CTNNA1: variants seen among roughly 807,000 people sequenced by gnomAD.
CTNNA1 encodes catenin alpha 1, also known as catenin alpha-1.
In CTNNA1, 37 loss-of-function variants were observed where a neutral mutation model predicts 98.4. The ratio of observed to expected loss-of-function variants is 0.38; its 90% CI spans 0.29 to 0.49. The LOEUF is 0.49. Ranked by LOEUF, CTNNA1 falls within the 20% of genes least tolerant of loss-of-function variation. CTNNA1 has a pLI of 0.95. For synonymous variants in CTNNA1, 404 were observed against 413.2 expected, an observed-to-expected ratio of 0.98 and a Z score of 0.27; for missense variants, 761 against 1,147.2, an observed-to-expected ratio of 0.66 and a Z score of 4.86.
intron 7 of CTNNA1, among the ~76,000 whole-genome samples, chr5:138,863,848 T>C (rs1230588790): frequency 1.3e-5 from 2 of 152,234 alleles, no homozygotes; most frequent in African/African-American, 4.8e-5. Context: ...TACTGCTGAT[T>C]GATTGGGCTG....
intron 1 of CTNNA1, among the ~76,000 whole-genome samples, chr5:138,780,641 C>T (rs7731804): frequency 0.023 from 3,473 of 152,110 alleles, 136 homozygotes; most frequent in African/African-American, 0.08. Flanking sequence ...CCTCAGCCTC[C>T]CGAGTAGCTG....
At chr5:138,802,794 C>T (rs1286394321) in intron 3 of CTNNA1, among the ~76,000 whole-genome samples, 3 of 151,922 alleles carry the variant, frequency 2.0e-5, no homozygotes, top group African/African-American at 4.8e-5. Flanking sequence ...TACTGGTTAC[C>T]CCTACACAAG....
At chr5:138,795,929 T>C (rs1486308204) in intron 3 of CTNNA1, among the ~76,000 whole-genome samples, 2 of 152,216 alleles carry the variant, frequency 1.3e-5, no homozygotes, top group Non-Finnish European at 2.9e-5. Flanking sequence ...TTGTCCTAAA[T>C]GCTTTCCAGT....
chr5:138,812,459 TTAA>T (rs1758931646), intron 5 of CTNNA1, among the ~76,000 whole-genome samples, 157 bp downstream of exon 5: 1 of 152,244 alleles, frequency 6.6e-6, no homozygotes, highest in Admixed American at 6.5e-5. Context: ...TATTGTGCTG[TTAA>T]TAAAGTTGTA....
chr5:138,826,854 G>T (rs1760772826), intron 6 of CTNNA1, among the ~76,000 whole-genome samples: 1 of 152,216 alleles, frequency 6.6e-6, no homozygotes, highest in African/African-American at 2.4e-5. Flanking sequence ...CTGGAGTGCA[G>T]TGGCACAATC....
At chr5:138,930,344 C>T (rs942333791) in intron 14 of CTNNA1, 129 bp from the exon 15 acceptor site, 11 of 676,308 alleles carry the variant, frequency 1.6e-5, no homozygotes, top group South Asian at 8.9e-5. Context: ...GCCCTTCAGG[C>T]GAAATGAAAC....
At chr5:138,897,046 G>A (rs1756968550) in intron 9 of CTNNA1, among the ~76,000 whole-genome samples, 1 of 151,534 alleles carries the variant, frequency 6.6e-6, no homozygotes, top group African/African-American at 2.4e-5. Flanking sequence ...ATGAAATCCT[G>A]CCTATAAAAA....
intron 7 of CTNNA1, among the ~76,000 whole-genome samples, chr5:138,867,568 A>G (rs1176141149): frequency 2.0e-5 from 3 of 152,042 alleles, no homozygotes; most frequent in African/African-American, 2.4e-5. Flanking sequence ...CCCACCTGTG[A>G]TACTTATATG....
At chr5:138,794,727 G>T (rs552967325) in intron 3 of CTNNA1, among the ~76,000 whole-genome samples, 1 of 152,322 alleles carries the variant, frequency 6.6e-6, no homozygotes, top group Admixed American at 6.5e-5. Flanking sequence ...GGCTGGGTGG[G>T]AGTGGTGGGA....
rs1581108310 is a variant in CTNNA1, at chr5:138,810,734, C to G, written c.468+530C>G. 2.0e-5 allele frequency among the ~76,000 whole-genome samples: 3 copies of G among 152,204 alleles called. No homozygotes were observed. In the South Asian group the frequency reaches 6.2e-4, roughly 31 times the overall value. On this transcript the variant is annotated intron_variant, in intron 4 of 17. Coordinates refer to ENST00000302763, the MANE Select transcript of CTNNA1 (RefSeq NM_001903.5). ...ACCATCCGATTTCTCAATCTTTTCC[C>G]CACCTTTCCCCCCTTTCTATTCCAC...
chr5:138,870,950 A>G (rs1165256990), intron 7 of CTNNA1: 2 of 152,188 alleles, frequency 1.3e-5, no homozygotes, highest in Non-Finnish European at 2.9e-5. Context: ...CTCGAGATCA[A>G]CTGAATTGAA....
intron 11 of CTNNA1, among the ~76,000 whole-genome samples, chr5:138,918,326 TAGG>T (rs544705510): frequency 2.1e-3 from 321 of 152,314 alleles, no homozygotes; most frequent in Admixed American, 4.2e-3. Flanking sequence ...CTATGAAACT[TAGG>T]AGAAGAAGGG....
intron 7 of CTNNA1, among the ~76,000 whole-genome samples, chr5:138,830,166 CAAAAAA>C (rs113554684): frequency 7.4e-6 from 1 of 135,698 alleles, no homozygotes; most frequent in African/African-American, 2.8e-5. Context: ...GACTCCATCT[CAAAAAA>C]AAAAAAACCC....
intron 1 of CTNNA1, among the ~76,000 whole-genome samples, chr5:138,781,229 T>C (rs1460161396): frequency 2.6e-5 from 4 of 152,230 alleles, no homozygotes; most frequent in Non-Finnish European, 5.9e-5. Flanking sequence ...CAGGATCTTC[T>C]GTATTCGTTT....
intron 7 of CTNNA1, among the ~76,000 whole-genome samples, chr5:138,844,340 T>G (rs2149825829): frequency 6.6e-6 from 1 of 152,198 alleles, no homozygotes; most frequent in Middle Eastern, 3.4e-3. Context: ...GTACGAAACC[T>G]TTTGTCTCTT....
At chr5:138,840,976 A>C (rs928997468) in intron 7 of CTNNA1, among the ~76,000 whole-genome samples, 1 of 152,172 alleles carries the variant, frequency 6.6e-6, no homozygotes, top group African/African-American at 2.4e-5. Flanking sequence ...TGTCATGAGC[A>C]TTGAGTTTCC....
intron 5 of CTNNA1, among the ~76,000 whole-genome samples, chr5:138,813,393 G>A (rs930782459): frequency 1.3e-5 from 2 of 152,176 alleles, no homozygotes; most frequent in African/African-American, 4.8e-5. Context: ...CTATTCCTCA[G>A]TTATCCCTGG....
chr5:138,931,450 G>GC, intron 16 of CTNNA1, among the ~76,000 whole-genome samples: 1 of 152,190 alleles, frequency 6.6e-6, no homozygotes, highest in Non-Finnish European at 1.5e-5. Context: ...TAGTTAACAA[G>GC]CCTCCCCACC....
chr5:138,924,750 A>T, intron 12 of CTNNA1, 40 bp downstream of exon 12: 2 of 1,519,212 alleles, frequency 1.3e-6, no homozygotes, highest in African/African-American at 2.8e-5. Context: ...CACACACCGC[A>T]GCCTCAGTGA....
Sources: gnomAD v4.1 joint callset for allele counts (sites outside exome capture counted in the v4.1 genomes callset) on GRCh38, gnomAD v4.1.1 for gene constraint, MANE v1.5 for transcripts, NCBI Gene and HGNC (gene_info 2026-07-23, HGNC 2026-07-21) for gene names.